Variants in PLXNA4 observed in about 807,000 individuals in gnomAD.
PLXNA4 encodes the protein plexin A4.
PLXNA4 carries 44 observed loss-of-function variants against 191.8 expected under a neutral mutation model. The ratio of observed to expected loss-of-function variants is 0.23; its 90% confidence interval spans 0.18 to 0.29. The LOEUF (loss-of-function observed/expected upper bound fraction) is 0.29, where lower values mean the gene tolerates loss of function less well. Among genes scored for constraint, PLXNA4 ranks in the 10% least tolerant of loss-of-function variants. The probability of loss-of-function intolerance (pLI) is 1.00; values close to 1 mark genes in which losing one functional copy is unlikely to be tolerated. For synonymous variants in PLXNA4, 1,082 were observed against 1,009.5 expected (o/e 1.07, Z -1.36); for missense variants, 1,800 against 2,488.8 (o/e 0.72, Z 5.89).
Position 132,167,639 on chromosome 7 carries a change from ATCC to A in PLXNA4, c.4286+662_4286+664del, listed in dbSNP as rs1796161091. ...AGCCTCAAACTCCAGGGCTTAAAGG[ATCC>A]TCCTATCCCAGCCTCCAGAGTAGCT... is the stretch of plus-strand genomic sequence containing the variant. On this transcript the variant is annotated intron_variant, in intron 22 of 31. Coordinates refer to ENST00000321063, the MANE Select transcript of PLXNA4 (RefSeq NM_020911.2). Among the ~76,000 whole-genome samples, 18 of 152,162 alleles carry A rather than the reference ATCC, an allele frequency of 1.2e-4. No homozygotes were observed. The South Asian group carries it at 3.5e-3, about 30-fold the overall frequency.
chr7:132,378,914 C>T lies in PLXNA4; in HGVS notation c.1372-80692G>A, dbSNP rs185555459. ...TTGCCCAGGCTGGAGTGCAATGGCG[C>T]GATCTTGGCTCACTACAACCTCCGC... On this transcript the variant is annotated intron_variant, in intron 3 of 31. Transcript: ENST00000321063. 4.3e-3 allele frequency among the ~76,000 whole-genome samples: 626 copies of T among 146,782 alleles called. 7 individuals are homozygous for T. The highest frequency in any genetic ancestry group is 6.2e-3 in the Non-Finnish European group (419 of 67,558).
chr7:132,385,773 G>C (rs1175868026), intron 3 of PLXNA4, among the ~76,000 whole-genome samples: 1 of 152,204 alleles, frequency 6.6e-6, no homozygotes, highest in Non-Finnish European at 1.5e-5. Context: ...CATTCTCAGT[G>C]ACAAGTCCTC....
chr7:132,645,386 C>A (rs760323677), intron 2 of PLXNA4, among the ~76,000 whole-genome samples: 1 of 152,158 alleles, frequency 6.6e-6, no homozygotes, highest in Non-Finnish European at 1.5e-5. Context: ...TCCTCCTTCA[C>A]GTGCGCTGTC....
intron 22 of PLXNA4, among the ~76,000 whole-genome samples, chr7:132,167,534 AT>A (rs1796157434): frequency 6.6e-6 from 1 of 151,764 alleles, no homozygotes; most frequent in African/African-American, 2.4e-5. Flanking sequence ...TTATTTATTT[AT>A]TTTTTAATTT....
intron 3 of PLXNA4, among the ~76,000 whole-genome samples, chr7:132,382,820 T>C (rs1367187823): frequency 6.6e-6 from 1 of 152,204 alleles, no homozygotes; most frequent in Non-Finnish European, 1.5e-5. Flanking sequence ...GCAGTATGTG[T>C]ATGTGAGTGC....
chr7:132,622,567 C>T (rs142181560), intron 2 of PLXNA4, among the ~76,000 whole-genome samples: 2,858 of 152,144 alleles, frequency 0.019, 66 homozygotes, highest in Middle Eastern at 0.065. Context: ...AAATCCCTGG[C>T]CTATGTCACA....
intron 3 of PLXNA4, among the ~76,000 whole-genome samples, chr7:132,386,368 C>T (rs989678242): frequency 3.9e-5 from 6 of 152,226 alleles, no homozygotes; most frequent in African/African-American, 9.6e-5. Context: ...TGGTCAAACA[C>T]GGGCGGGCTC....
At chr7:132,150,281 TTTTTG>T (rs1434647162) in intron 25 of PLXNA4, among the ~76,000 whole-genome samples, 7 of 152,204 alleles carry the variant, frequency 4.6e-5, no homozygotes, top group Non-Finnish European at 7.3e-5. Flanking sequence ...TTCTTCAGTT[TTTTTG>T]TTTTGTTTTT....
At chr7:132,341,073 ATGAGGT>A (rs1432012510) in intron 3 of PLXNA4, among the ~76,000 whole-genome samples, 3 of 152,192 alleles carry the variant, frequency 2.0e-5, no homozygotes, top group Non-Finnish European at 4.4e-5. Context: ...TTCGAGGGGC[ATGAGGT>A]TTAGAACTGA....
intron 22 of PLXNA4, 147 bp downstream of exon 22, chr7:132,168,157 A>T: frequency 8.4e-7 from 1 of 1,194,528 alleles, no homozygotes; most frequent in Non-Finnish European, 1.1e-6. Context: ...GGGGGCCTGC[A>T]ATGTAGTCCT....
chr7:132,519,301 G>T (rs929438246), intron 1 of PLXNA4, among the ~76,000 whole-genome samples: 3 of 152,224 alleles, frequency 2.0e-5, no homozygotes, highest in African/African-American at 7.2e-5. Context: ...TCTATCCAGG[G>T]TCTGTCCAGG....
chr7:132,481,233 G>A (rs983475672), intron 3 of PLXNA4, among the ~76,000 whole-genome samples: 3 of 152,074 alleles, frequency 2.0e-5, no homozygotes, highest in Non-Finnish European at 4.4e-5. Flanking sequence ...GCCCTAGCAT[G>A]GACATCAGGG....
At position 132,130,363 on chromosome 7, in the gene PLXNA4, G is replaced by T; in HGVS notation, c.*116C>A. 7.2e-7 allele frequency: 1 copy of T among 1,396,798 alleles called. No homozygotes were observed. The highest frequency in any genetic ancestry group is 1.8e-5 in the Admixed American group (1 of 54,536). The allele number at this position is 1,396,798 out of a possible 1,614,324, so 86.5% of individuals were successfully genotyped here. A position where few individuals can be genotyped will look rare whatever the true frequency, so the allele number is the denominator to read the frequency against. On this transcript the variant is annotated 3_prime_UTR_variant, in exon 32 of 32. Transcript: ENST00000321063. ...GCAGAGAGAAAGAGAGAGAAACAGCGCTGCTCAGGGGATGCTGCTGATGCC... is the reference window on the plus strand; with the variant it reads ...GCAGAGAGAAAGAGAGAGAAACAGCTCTGCTCAGGGGATGCTGCTGATGCC...
Position 132,148,623 on chromosome 7 carries a change from T to C in PLXNA4, c.4684A>G (p.Arg1562Gly). The change falls in exon 26 of 32, where the codon AGG becomes GGG. Residue 1562 changes from arginine (R) to glycine (G), a missense_variant. By Grantham distance (125) the Arg-to-Gly change is moderately radical. Coordinates refer to ENST00000321063, the MANE Select transcript of PLXNA4 (RefSeq NM_020911.2). ...ATGTCTTCATCCTGCAAGATCATCCTTGCCCCACTTCCTTGTCGCCACTCT... is the reference window on the plus strand; with the variant it reads ...ATGTCTTCATCCTGCAAGATCATCCCTGCCCCACTTCCTTGTCGCCACTCT... ...DLEWRQGSGA[R>G]MILQDEDITT... 6.2e-7 allele frequency: 1 copy of C among 1,614,184 alleles called. No homozygotes were observed. Among genetic ancestry groups the C allele is most frequent in the Non-Finnish European group, 8.5e-7 (1 of 1,180,028 alleles).
intron 3 of PLXNA4, among the ~76,000 whole-genome samples, chr7:132,470,696 T>A (rs1427801251): frequency 6.6e-6 from 1 of 152,184 alleles, no homozygotes; most frequent in Non-Finnish European, 1.5e-5. Flanking sequence ...CCAGCCTTGG[T>A]CAGAGGGAGG....
At chr7:132,226,324 C>T (rs1798321851) in intron 7 of PLXNA4, 64 bp from the exon 8 acceptor site, 1 of 1,384,250 alleles carries the variant, frequency 7.2e-7, no homozygotes, top group Non-Finnish European at 1.0e-6. Context: ...ATTCCCTGAC[C>T]AGTGACACCT....
Position 132,508,717 on chromosome 7 carries a change from C to T in PLXNA4, c.-24G>A. The stretch of plus-strand genomic sequence containing the variant: ...ATGGCAGAGGCGGGTCCCAGTGGCA[C>T]AGCAGCACTCAGGCACAGTCGTCCC... On this transcript the variant is annotated 5_prime_UTR_variant, in exon 2 of 32. It adds an upstream start codon to the 5' untranslated region. Transcript: ENST00000321063. The surrounding 1 kb of genome is among the most constrained non-coding windows in gnomAD (Gnocchi z 4.4). 6.8e-7 allele frequency: 1 copy of T among 1,480,590 alleles called. No homozygotes were observed. Among genetic ancestry groups the T allele is most frequent in the Non-Finnish European group, 8.9e-7 (1 of 1,117,990 alleles). 91.7% of individuals were successfully genotyped at this position (1,480,590 alleles called of 1,614,324 possible).
rs140509838 is a variant in PLXNA4, at chr7:132,221,318, C to T, written c.2097+2209G>A. ...GGCCTTCAAAATCCACCAGCTAGCT[C>T]AATTGTTTTTGCTTTCAGTTTACTC... is the stretch of plus-strand genomic sequence containing the variant. On this transcript the variant is annotated intron_variant, in intron 9 of 31. Coordinates refer to ENST00000321063, the MANE Select transcript of PLXNA4 (RefSeq NM_020911.2). Among the ~76,000 whole-genome samples, 72 of 152,304 alleles carry T rather than the reference C, an allele frequency of 4.7e-4. No individual in the cohort carries two copies. The East Asian group carries it at 0.014, about 29-fold the overall frequency.
At chr7:132,603,869 C>G (rs1243023479) in intron 2 of PLXNA4, among the ~76,000 whole-genome samples, 2 of 151,792 alleles carry the variant, frequency 1.3e-5, no homozygotes, top group African/African-American at 4.8e-5. Context: ...TTGAGCAAAT[C>G]ACTTAATTTG....
Sources: gnomAD v4.1 joint callset for allele counts (sites outside exome capture counted in the v4.1 genomes callset) on GRCh38, gnomAD v4.1.1 for gene constraint, Gnocchi (gnomAD v3.1) non-coding constraint, MANE v1.5 for transcripts, NCBI Gene and HGNC (gene_info 2026-07-23, HGNC 2026-07-21) for gene names.